HADHB: variants seen among roughly 807,000 people sequenced by gnomAD.
HADHB encodes trifunctional enzyme subunit beta, mitochondrial.
In HADHB, 50 loss-of-function variants were observed where a neutral mutation model predicts 61.9. The observed-to-expected ratio is 0.81, with a 90% CI of 0.64 to 1.02. HADHB has a LOEUF of 1.02. HADHB is among the 50% of genes least tolerant of loss of function. HADHB has a pLI of 0.00. For missense variants in HADHB, 504 were observed against 586.5 expected (o/e 0.86, Z 1.45); for synonymous variants, 191 against 201.6 (o/e 0.95, Z 0.45).
Position 26,278,799 on chromosome 2 carries a change from G to C in HADHB, c.628G>C (p.Glu210Gln). The change falls in exon 8 of 16, where the codon GAG (glutamate) becomes CAG (glutamine). Residue 210 changes from glutamate (E) to glutamine (Q), a missense_variant and splice_region_variant. Coordinates refer to ENST00000317799, the MANE Select transcript of HADHB (RefSeq NM_000183.3). Reference sequence around the variant, plus strand: ...ATTCCGATTTAATTTCCTAGCACCTGAGGTAAGGCTTGTGTTTGCAGGGCA... The same window carrying C: ...ATTCCGATTTAATTTCCTAGCACCTCAGGTAAGGCTTGTGTTTGCAGGGCA... The part of the protein sequence containing the change: ...SKFRFNFLAP[E>Q]LPAVSEFSTS... The C allele has an allele frequency of 6.2e-7, 1 of 1,613,598 alleles. No individual in the cohort carries two copies. The highest frequency in any genetic ancestry group is 8.5e-7 in the Non-Finnish European group (1 of 1,179,488).
chr2:26,248,407 G>A (rs1201581912), intron 1 of HADHB, among the ~76,000 whole-genome samples: 1 of 151,162 alleles, frequency 6.6e-6, no homozygotes, highest in African/African-American at 2.4e-5. Context: ...TTGAGACGGA[G>A]TCTCGTTCTG....
At chr2:26,261,787 T>C (rs1049252219) in intron 3 of HADHB, among the ~76,000 whole-genome samples, 3 of 151,924 alleles carry the variant, frequency 2.0e-5, no homozygotes, top group Admixed American at 1.3e-4. Flanking sequence ...AAAAAAAAAA[T>C]TAAGTCCCCT....
At position 26,282,255 on chromosome 2, in the gene HADHB, T is replaced by C. The variant is rs200761089; in HGVS notation, c.934-590T>C. Among the ~76,000 whole-genome samples the C allele has an allele frequency of 4.1e-3, 592 of 145,122 alleles. 4 individuals carry two copies. Among genetic ancestry groups the C allele is most frequent in the African/African-American group, 0.013 (510 of 39,560 alleles). On this transcript the variant is annotated intron_variant, in intron 10 of 15. Transcript: ENST00000317799. ...GTTTATTATGAGCAGTTCTTTCTTTTTTTTTTTTTTTTTTTTTGAGACAGA... is the reference window on the plus strand; with the variant it reads ...GTTTATTATGAGCAGTTCTTTCTTTCTTTTTTTTTTTTTTTTTGAGACAGA...
In HADHB at chr2:26,269,984, A is replaced by G; in HGVS notation, c.241A>G (p.Arg81Gly). 1 of 1,606,934 alleles carries G rather than the reference A, an allele frequency of 6.2e-7. No homozygotes were observed. Among genetic ancestry groups the G allele is most frequent in the Non-Finnish European group, 8.5e-7 (1 of 1,173,454 alleles). Residue 81 changes from arginine to glycine, a missense_variant, in exon 5 of 16, where the codon AGA (arginine) becomes GGA (glycine). Transcript: ENST00000317799. ...YKDLMPHDLA[R>G]AALTGLLHRT... Reference sequence around the variant, plus strand: ...AGACCTGATGCCACATGATTTGGCTAGAGCAGCGCTTACGTAAGTAAATGC... The same window carrying G: ...AGACCTGATGCCACATGATTTGGCTGGAGCAGCGCTTACGTAAGTAAATGC...
At chr2:26,252,128 G>C (rs1336579009) in intron 1 of HADHB, among the ~76,000 whole-genome samples, 1 of 152,210 alleles carries the variant, frequency 6.6e-6, no homozygotes, top group Non-Finnish European at 1.5e-5. Flanking sequence ...ATGCCACCTG[G>C]CTTCTCTCAT....
chr2:26,263,490 C>T lies in HADHB; in HGVS notation c.209+11C>T. The T allele has an allele frequency of 1.3e-6, 2 of 1,482,446 alleles. No homozygotes were observed. Among genetic ancestry groups the T allele is most frequent in the Non-Finnish European group, 1.9e-6 (2 of 1,059,684 alleles). 91.8% of individuals were successfully genotyped at this position (1,482,446 alleles called of 1,614,324 possible). A position where few individuals can be genotyped will look rare whatever the true frequency, so the allele number is the denominator to read the frequency against. ...GCTGTCTGGCACTTCGTAAGTATGA[C>T]ATGATCATATTATTTTTTTCCTTCT... On this transcript the variant is annotated intron_variant, in intron 4 of 15. Coordinates refer to ENST00000317799, the MANE Select transcript of HADHB (RefSeq NM_000183.3).
At chr2:26,258,644 C>T (rs1330000718) in intron 3 of HADHB, among the ~76,000 whole-genome samples, 2 of 152,076 alleles carry the variant, frequency 1.3e-5, no homozygotes, top group Admixed American at 6.5e-5. Flanking sequence ...AAGCTCAGCT[C>T]GAGCCAGAAC....
chr2:26,257,269 C>T (rs528620842), intron 3 of HADHB, among the ~76,000 whole-genome samples: 49 of 152,028 alleles, frequency 3.2e-4, no homozygotes, highest in African/African-American at 1.1e-3. Flanking sequence ...TACAGGTGCC[C>T]GCCAACACAC....
At chr2:26,287,478 A>G (rs1030377749) in intron 15 of HADHB, among the ~76,000 whole-genome samples, 7 of 152,204 alleles carry the variant, frequency 4.6e-5, no homozygotes, top group African/African-American at 1.7e-4. Flanking sequence ...CACATAGGGT[A>G]ATGTCTGCAG....
intron 5 of HADHB, among the ~76,000 whole-genome samples, chr2:26,270,960 G>C (rs1023884626): frequency 2.0e-5 from 3 of 147,948 alleles, no homozygotes; most frequent in African/African-American, 7.5e-5. Flanking sequence ...CTCACTGCAA[G>C]CTCTGCCTGC....
At position 26,255,227 on chromosome 2, in the gene HADHB, C is replaced by T. The variant is rs190742227; in HGVS notation, c.109+753C>T. On this transcript the variant is annotated intron_variant, in intron 3 of 15. Coordinates refer to ENST00000317799, the MANE Select transcript of HADHB (RefSeq NM_000183.3). ...GAAAAAATACCTTCCAGGCTGGGTG[C>T]GGGGGCTCACGCCTGTAATCCCAGC... Among the ~76,000 whole-genome samples, 167 of 152,062 alleles carry T rather than the reference C, an allele frequency of 1.1e-3. 1 individual carries two copies. Among genetic ancestry groups the T allele is most frequent in the Admixed American group, 1.9e-3 (29 of 15,284 alleles).
chr2:26,247,373 T>G (rs748058139), intron 1 of HADHB, among the ~76,000 whole-genome samples: 53 of 152,244 alleles, frequency 3.5e-4, no homozygotes, highest in Admixed American at 6.5e-4. Context: ...TTGAAATCTC[T>G]ATTTTTTATT....
chr2:26,278,756 A>G lies in HADHB; in HGVS notation c.585A>G (p.Arg195=). The change falls in exon 8 of 16, where the codon CGA becomes CGG. Residue 195 remains arginine (R), a synonymous_variant. Coordinates refer to ENST00000317799, the MANE Select transcript of HADHB (RefSeq NM_000183.3). ...DLNKAKSMGQ[R]LSLISKFRFN... is the part of the protein sequence containing the mutation. ...ATAAGGCCAAATCTATGGGCCAGCGACTGTCTTTAATCTCTAAATTCCGAT... is the reference window on the plus strand; with the variant it reads ...ATAAGGCCAAATCTATGGGCCAGCGGCTGTCTTTAATCTCTAAATTCCGAT... 6.2e-7 allele frequency: 1 copy of G among 1,614,134 alleles called. No homozygotes were observed. The highest frequency in any genetic ancestry group is 1.3e-5 in the African/African-American group (1 of 75,024).
chr2:26,266,504 G>A (rs1357493492), intron 4 of HADHB, among the ~76,000 whole-genome samples: 3 of 152,072 alleles, frequency 2.0e-5, no homozygotes, highest in Admixed American at 6.6e-5. Flanking sequence ...AAGCACTCCC[G>A]GGAATAGACT....
intron 3 of HADHB, among the ~76,000 whole-genome samples, chr2:26,255,750 T>C (rs917986844): frequency 6.6e-6 from 1 of 152,262 alleles, no homozygotes; most frequent in African/African-American, 2.4e-5. Flanking sequence ...TGCAAGATGG[T>C]ATTTTTCTAT....
At position 26,278,943 on chromosome 2, in the gene HADHB, T is replaced by C. The variant is rs1477553791; in HGVS notation, c.630+142T>C. On this transcript the variant is annotated intron_variant, in intron 8 of 15. Transcript: ENST00000317799. The stretch of plus-strand genomic sequence containing the variant: ...ACTTGCTCAAGATGGAAAAAAAAGA[T>C]AGTGGTTAGAAAACTTTAATTTGTG... 62 of 965,130 alleles carry C rather than the reference T, an allele frequency of 6.4e-5. 2 individuals are homozygous for C. The Middle Eastern group carries it at 9.0e-4, about 14-fold the overall frequency. 59.8% of individuals were successfully genotyped at this position (965,130 alleles called of 1,614,324 possible).
At chr2:26,277,485 C>G (rs1672578601) in intron 7 of HADHB, among the ~76,000 whole-genome samples, 1 of 152,112 alleles carries the variant, frequency 6.6e-6, no homozygotes, top group Admixed American at 6.6e-5. Context: ...ATCCTTCTAC[C>G]TCAGCCTCCA....
intron 6 of HADHB, 47 bp downstream of exon 6, chr2:26,273,797 A>G (rs1454333532): frequency 1.1e-6 from 1 of 951,234 alleles, no homozygotes; most frequent in South Asian, 1.3e-5. Context: ...TAGGAGAATC[A>G]CTTTGAATTT....
At chr2:26,251,371 A>G (rs900052963) in intron 1 of HADHB, among the ~76,000 whole-genome samples, 1 of 151,682 alleles carries the variant, frequency 6.6e-6, no homozygotes, top group African/African-American at 2.4e-5. Flanking sequence ...TATTTTTTGT[A>G]AAGACAGGGT....
Sources: allele counts gnomAD v4.1 joint callset (sites outside exome capture counted in the v4.1 genomes callset), GRCh38; gene constraint gnomAD v4.1.1; transcripts MANE v1.5; gene names NCBI Gene and HGNC (gene_info 2026-07-23, HGNC 2026-07-21).